VWC2L: variants seen among roughly 807,000 people sequenced by gnomAD.
VWC2L encodes von Willebrand factor C domain-containing protein 2-like.
VWC2L carries 10 observed loss-of-function variants against 21.6 expected under a neutral mutation model. The observed-to-expected ratio is 0.46, with a 90% CI of 0.29 to 0.78. The LOEUF is 0.78. Ranked by LOEUF, VWC2L falls within the 30% of genes least tolerant of loss-of-function variation. The pLI, the probability that VWC2L is intolerant of heterozygous loss-of-function variation, is 0.10. For missense variants in VWC2L, 209 were observed against 277.1 expected (o/e 0.75, Z 1.74); for synonymous variants, 96 against 94.3 (o/e 1.02, Z -0.10).
At chr2:214,565,218 A>C (rs1421805930) in intron 3 of VWC2L, among the ~76,000 whole-genome samples, 1 of 152,036 alleles carries the variant, frequency 6.6e-6, no homozygotes, top group Non-Finnish European at 1.5e-5. Context: ...AAGCAATAAG[A>C]AAAAAAACTT....
At chr2:214,529,315 T>C (rs200487777) in intron 3 of VWC2L, among the ~76,000 whole-genome samples, 15 of 152,140 alleles carry the variant, frequency 9.9e-5, no homozygotes, top group African/African-American at 3.6e-4. Flanking sequence ...ATTGGGCAGT[T>C]GGGAACTCAA....
chr2:214,523,433 A>G (rs1232103746), intron 3 of VWC2L, among the ~76,000 whole-genome samples: 1 of 152,250 alleles, frequency 6.6e-6, no homozygotes, highest in Non-Finnish European at 1.5e-5. Context: ...ATTAGAAAGG[A>G]AAGTATTTTA....
chr2:214,494,288 A>G (rs1688782581), intron 3 of VWC2L, among the ~76,000 whole-genome samples: 1 of 152,166 alleles, frequency 6.6e-6, no homozygotes, highest in Admixed American at 6.6e-5. Flanking sequence ...ATTTACTCTC[A>G]TAGACATGAG....
At chr2:214,432,288 G>A (rs1702611540) in intron 2 of VWC2L, among the ~76,000 whole-genome samples, 1 of 152,152 alleles carries the variant, frequency 6.6e-6, no homozygotes, top group Non-Finnish European at 1.5e-5. Flanking sequence ...ATTATAAGGA[G>A]ATTAGAATCT....
intron 2 of VWC2L, among the ~76,000 whole-genome samples, chr2:214,433,816 T>C (rs1702638435): frequency 6.6e-6 from 1 of 152,034 alleles, no homozygotes; most frequent in South Asian, 2.1e-4. Flanking sequence ...AATTGTAAGA[T>C]GATGAAAGGA....
At chr2:214,574,527 G>T (rs960756715) in intron 3 of VWC2L, among the ~76,000 whole-genome samples, 17 of 152,164 alleles carry the variant, frequency 1.1e-4, no homozygotes, top group African/African-American at 4.1e-4. Flanking sequence ...TGCTTATCAA[G>T]GGGGTAAGAA....
chr2:214,470,209 A>C (rs1703283613), intron 3 of VWC2L, among the ~76,000 whole-genome samples: 1 of 148,682 alleles, frequency 6.7e-6, no homozygotes, highest in Non-Finnish European at 1.5e-5. Context: ...TTTTTGATAA[A>C]TGCTTTTTTT....
chr2:214,415,846 G>A (rs1024578123), intron 2 of VWC2L, among the ~76,000 whole-genome samples: 3 of 152,020 alleles, frequency 2.0e-5, no homozygotes, highest in African/African-American at 2.4e-5. Flanking sequence ...TTTGTCTTTC[G>A]TGTATTATTT....
intron 2 of VWC2L, among the ~76,000 whole-genome samples, chr2:214,422,633 G>C (rs114714222): frequency 0.022 from 3,323 of 152,248 alleles, 58 homozygotes; most frequent in Middle Eastern, 0.044. Context: ...TTTAGAGTCT[G>C]TACTTTGGGT....
In VWC2L at chr2:214,489,448, G is replaced by T. The variant is rs150549625; in HGVS notation, c.520+52690G>T. On this transcript the variant is annotated intron_variant, in intron 3 of 3. Transcript: ENST00000312504. ...ACACAGCAAGAAATGCCAAGGGCTA[G>T]AACTGAGGCGTTGAGTGGTGATGAC... is the stretch of plus-strand genomic sequence containing the variant. Among the ~76,000 whole-genome samples, 8 of 152,326 alleles carry T rather than the reference G, an allele frequency of 5.3e-5. 1 individual carries two copies. In the East Asian group the frequency reaches 1.5e-3, roughly 29 times the overall value.
intron 3 of VWC2L, among the ~76,000 whole-genome samples, chr2:214,465,616 C>T (rs989227551): frequency 6.6e-6 from 1 of 152,248 alleles, no homozygotes; most frequent in African/African-American, 2.4e-5. Context: ...TTCTTGGCCA[C>T]ACTGGCCTGT....
chr2:214,560,739 C>A (rs1345200498), intron 3 of VWC2L, among the ~76,000 whole-genome samples: 5 of 152,154 alleles, frequency 3.3e-5, no homozygotes, highest in Non-Finnish European at 7.3e-5. Flanking sequence ...GTCATTAAAG[C>A]ACCCAAAATG....
At chr2:214,442,795 A>C (rs1250048114) in intron 3 of VWC2L, among the ~76,000 whole-genome samples, 1 of 152,146 alleles carries the variant, frequency 6.6e-6, no homozygotes, top group Non-Finnish European at 1.5e-5. Context: ...CAAACTAAAA[A>C]AATGAAGCTA....
chr2:214,446,095 C>A (rs1702833935), intron 3 of VWC2L, among the ~76,000 whole-genome samples: 1 of 152,144 alleles, frequency 6.6e-6, no homozygotes, highest in South Asian at 2.1e-4. Flanking sequence ...GCAAATTGTC[C>A]ACCTTAATTT....
intron 3 of VWC2L, among the ~76,000 whole-genome samples, chr2:214,465,649 C>T (rs1280572107): frequency 6.6e-6 from 1 of 152,170 alleles, no homozygotes; most frequent in Non-Finnish European, 1.5e-5. Flanking sequence ...TCATGCAGCC[C>T]AAGTCCACTG....
intron 3 of VWC2L, among the ~76,000 whole-genome samples, chr2:214,499,955 G>A (rs1240956644): frequency 4.6e-5 from 7 of 152,320 alleles, no homozygotes; most frequent in South Asian, 4.1e-4. Context: ...GGGCTATTAC[G>A]GTAGATAGGA....
At chr2:214,415,530 G>C (rs1461021995) in intron 2 of VWC2L, among the ~76,000 whole-genome samples, 21 of 152,118 alleles carry the variant, frequency 1.4e-4, no homozygotes, top group Admixed American at 1.4e-3. Context: ...TTTTCAGTGT[G>C]GGTGTTTATG....
At chr2:214,419,207 A>G (rs1702398375) in intron 2 of VWC2L, among the ~76,000 whole-genome samples, 1 of 152,164 alleles carries the variant, frequency 6.6e-6, no homozygotes, top group African/African-American at 2.4e-5. Context: ...ATATTGTATT[A>G]AGATAAAGGT....
intron 3 of VWC2L, among the ~76,000 whole-genome samples, chr2:214,520,299 T>G (rs1215430533): frequency 6.6e-6 from 1 of 152,186 alleles, no homozygotes; most frequent in Non-Finnish European, 1.5e-5. Flanking sequence ...CTATGTAACA[T>G]CATGTCAAAA....
Sources: allele counts gnomAD v4.1 joint callset (sites outside exome capture counted in the v4.1 genomes callset), GRCh38; gene constraint gnomAD v4.1.1; transcripts MANE v1.5; gene names NCBI Gene and HGNC (gene_info 2026-07-23, HGNC 2026-07-21).